Variants in L3MBTL4 observed in about 807,000 individuals in gnomAD.
L3MBTL4 encodes lethal(3)malignant brain tumor-like protein 4.
Under a neutral mutation model 84.5 loss-of-function variants are expected in L3MBTL4, and 70 were observed. The ratio of observed to expected loss-of-function variants is 0.83; its 90% CI spans 0.68 to 1.01. L3MBTL4 has a LOEUF of 1.01. Among genes scored for constraint, L3MBTL4 ranks in the 50% least tolerant of loss-of-function variants. L3MBTL4 has a pLI of 0.00. For missense variants in L3MBTL4, 715 were observed against 754.8 expected (o/e 0.95, Z 0.62); for synonymous variants, 274 against 259.8 (o/e 1.05, Z -0.52).
At chr18:5,981,719 G>C (rs936059422) in intron 16 of L3MBTL4, among the ~76,000 whole-genome samples, 4 of 151,646 alleles carry the variant, frequency 2.6e-5, no homozygotes, top group African/African-American at 9.7e-5. Flanking sequence ...GAAGACACTT[G>C]AGTCCAGGAG....
chr18:6,361,180 G>A (rs2053678399), intron 1 of L3MBTL4, among the ~76,000 whole-genome samples: 1 of 152,106 alleles, frequency 6.6e-6, no homozygotes, highest in African/African-American at 2.4e-5. Context: ...ATACCCAGCA[G>A]GACACTGAGA....
intron 16 of L3MBTL4, among the ~76,000 whole-genome samples, chr18:6,026,129 T>C (rs764069312): frequency 7.9e-5 from 12 of 152,214 alleles, no homozygotes; most frequent in Non-Finnish European, 1.6e-4. Context: ...TGATTCTTTC[T>C]ACAATGAACA....
intron 12 of L3MBTL4, among the ~76,000 whole-genome samples, chr18:6,180,203 A>T (rs906973483): frequency 6.6e-6 from 1 of 152,258 alleles, no homozygotes; most frequent in African/African-American, 2.4e-5. Context: ...CTTGCAGACA[A>T]GGGTAATGAA....
At chr18:6,098,900 G>A (rs1296891554) in intron 14 of L3MBTL4, among the ~76,000 whole-genome samples, 1 of 152,092 alleles carries the variant, frequency 6.6e-6, no homozygotes, top group African/African-American at 2.4e-5. Flanking sequence ...TGAAGGAGTA[G>A]GTAGGAGGCC....
At chr18:5,984,902 G>T (rs879812430) in intron 16 of L3MBTL4, among the ~76,000 whole-genome samples, 4 of 151,798 alleles carry the variant, frequency 2.6e-5, no homozygotes, top group Non-Finnish European at 5.9e-5. Flanking sequence ...GTCAATTCTT[G>T]GTAAGGAAAA....
At chr18:6,208,822 AC>A (rs2045978892) in intron 12 of L3MBTL4, among the ~76,000 whole-genome samples, 1 of 152,244 alleles carries the variant, frequency 6.6e-6, no homozygotes, top group Non-Finnish European at 1.5e-5. Flanking sequence ...TTAGAGAGCA[AC>A]CATCATAATT....
At chr18:6,004,361 G>A (rs898967858) in intron 16 of L3MBTL4, among the ~76,000 whole-genome samples, 1 of 152,142 alleles carries the variant, frequency 6.6e-6, no homozygotes, top group Admixed American at 6.5e-5. Flanking sequence ...CCTATAGCTA[G>A]TTAGGAGATT....
At chr18:6,164,060 T>C (rs35007161) in intron 13 of L3MBTL4, among the ~76,000 whole-genome samples, 5,534 of 152,260 alleles carry the variant, frequency 0.036, 352 homozygotes, top group African/African-American at 0.12. Context: ...GAAGGTCCTA[T>C]GCCCACGGAG....
chr18:6,062,884 T>C (rs967531587), intron 16 of L3MBTL4, among the ~76,000 whole-genome samples: 3 of 151,830 alleles, frequency 2.0e-5, no homozygotes, highest in African/African-American at 7.2e-5. Context: ...TTTGGTTACA[T>C]GGATGTTTTT....
At chr18:6,108,487 A>G (rs1192607489) in intron 14 of L3MBTL4, among the ~76,000 whole-genome samples, 1 of 152,176 alleles carries the variant, frequency 6.6e-6, no homozygotes, top group African/African-American at 2.4e-5. Flanking sequence ...ATCTATGAAG[A>G]CTGGAACTAG....
intron 12 of L3MBTL4, among the ~76,000 whole-genome samples, chr18:6,205,418 T>C (rs1051918822): frequency 1.3e-5 from 2 of 152,214 alleles, no homozygotes; most frequent in Non-Finnish European, 2.9e-5. Context: ...TTTATTTTTG[T>C]TTTTTATTTT....
intron 14 of L3MBTL4, among the ~76,000 whole-genome samples, chr18:6,113,378 A>C (rs558059627): frequency 6.6e-6 from 1 of 152,008 alleles, no homozygotes; most frequent in East Asian, 1.9e-4. Flanking sequence ...GGCTTATTCA[A>C]AATAGTTTGA....
At chr18:6,286,847 T>C (rs1369451034) in intron 4 of L3MBTL4, among the ~76,000 whole-genome samples, 1 of 152,168 alleles carries the variant, frequency 6.6e-6, no homozygotes, top group Non-Finnish European at 1.5e-5. Flanking sequence ...GAGTCGGCTG[T>C]GAAGGGGTCT....
chr18:5,998,676 G>A (rs2054087021), intron 16 of L3MBTL4, among the ~76,000 whole-genome samples: 1 of 152,176 alleles, frequency 6.6e-6, no homozygotes, highest in Non-Finnish European at 1.5e-5. Context: ...AAGTCACGTG[G>A]GGAAGGGGCG....
chr18:6,347,346 C>T (rs1727826034), intron 1 of L3MBTL4, among the ~76,000 whole-genome samples: 1 of 149,356 alleles, frequency 6.7e-6, no homozygotes, highest in Admixed American at 6.6e-5. Flanking sequence ...GTTCTTACCC[C>T]CAAAAAAGAA....
chr18:6,006,558 C>T lies in L3MBTL4; in HGVS notation c.1445-36996G>A, dbSNP rs1033375679. Among the ~76,000 whole-genome samples the T allele has an allele frequency of 9.9e-5, 15 of 152,078 alleles. No individual in the cohort carries two copies. In the South Asian group the frequency reaches 1.0e-3, roughly 10 times the overall value. On this transcript the variant is annotated intron_variant, in intron 16 of 18. Transcript: ENST00000317931. Reference sequence around the variant, plus strand: ...AAAAACTGGCATACAAATTTAGTAACGTACATAAGCATGAAGGAATTGCAG... The same window carrying T: ...AAAAACTGGCATACAAATTTAGTAATGTACATAAGCATGAAGGAATTGCAG...
intron 13 of L3MBTL4, among the ~76,000 whole-genome samples, chr18:6,139,137 T>C (rs1298336975): frequency 6.6e-6 from 1 of 152,104 alleles, no homozygotes; most frequent in Non-Finnish European, 1.5e-5. Context: ...TACTGTACCA[T>C]ATGCTATGCA....
At chr18:6,098,291 G>A (rs2058705506) in intron 14 of L3MBTL4, among the ~76,000 whole-genome samples, 2 of 152,134 alleles carry the variant, frequency 1.3e-5, no homozygotes, top group South Asian at 2.1e-4. Context: ...GCCTGTGTGC[G>A]GCTACACCCT....
chr18:6,191,114 T>C (rs1370116699), intron 12 of L3MBTL4, among the ~76,000 whole-genome samples: 1 of 152,170 alleles, frequency 6.6e-6, no homozygotes, highest in Admixed American at 6.5e-5. Flanking sequence ...GATGATATGA[T>C]GACATGGTCA....
Sources: allele counts gnomAD v4.1 joint callset (sites outside exome capture counted in the v4.1 genomes callset), GRCh38; gene constraint gnomAD v4.1.1; transcripts MANE v1.5; gene names NCBI Gene and HGNC (gene_info 2026-07-23, HGNC 2026-07-21).